Variants in HGSNAT observed in about 807,000 individuals in gnomAD.
HGSNAT encodes transmembrane protein 76.
In HGSNAT, 59 loss-of-function variants were observed where a neutral mutation model predicts 85.2. The observed-to-expected ratio is 0.69, with a 90% CI of 0.56 to 0.86. The LOEUF (loss-of-function observed/expected upper bound fraction) is 0.86, where lower values mean the gene tolerates loss of function less well. Ranked by LOEUF, HGSNAT falls within the 40% of genes least tolerant of loss-of-function variation. HGSNAT has a pLI of 0.00. For missense variants in HGSNAT, 756 were observed against 777.1 expected, an observed-to-expected ratio of 0.97 and a Z score of 0.32; for synonymous variants, 321 against 304.5, an observed-to-expected ratio of 1.05 and a Z score of -0.56.
chr8:43,146,419 G>T (rs187791252), intron 1 of HGSNAT, among the ~76,000 whole-genome samples: 1 of 152,286 alleles, frequency 6.6e-6, no homozygotes, highest in East Asian at 1.9e-4. Context: ...GCTCAGTAAC[G>T]TGGTAGGGGA....
At chr8:43,161,969 C>G (rs545584674) in intron 5 of HGSNAT, among the ~76,000 whole-genome samples, 18 of 152,218 alleles carry the variant, frequency 1.2e-4, no homozygotes, top group Non-Finnish European at 2.5e-4. Flanking sequence ...TCTTCTGGAC[C>G]TCGCACGGAC....
At position 43,200,426 on chromosome 8, in the gene HGSNAT, C is replaced by G. The variant is rs143991538; in HGVS notation, c.*857C>G. 1 of 152,216 alleles carries G rather than the reference C, an allele frequency of 6.6e-6. No homozygotes were observed. Among genetic ancestry groups the G allele is most frequent in the Non-Finnish European group, 1.5e-5 (1 of 68,040 alleles). 9.4% of individuals were successfully genotyped at this position (152,216 alleles called of 1,614,324 possible). A position where few individuals can be genotyped will look rare whatever the true frequency, so the allele number is the denominator to read the frequency against. ...TTGTGAAATGAGCGGGAAGATGACT[C>G]TCAGTTCCTTCCACCTCTTAGACAT... On this transcript the variant is annotated 3_prime_UTR_variant, in exon 18 of 18. Coordinates refer to ENST00000379644, the MANE Select transcript of HGSNAT (RefSeq NM_152419.3).
chr8:43,140,686 A>C (rs1802490586), intron 1 of HGSNAT, 72 bp downstream of exon 1: 32 of 694,328 alleles, frequency 4.6e-5, no homozygotes, highest in East Asian at 5.9e-5. Context: ...CGCCGCCCCT[A>C]TCTCCGTGCG....
At chr8:43,184,909 C>A (rs971774177) in intron 11 of HGSNAT, among the ~76,000 whole-genome samples, 2 of 152,134 alleles carry the variant, frequency 1.3e-5, no homozygotes, top group Non-Finnish European at 2.9e-5. Context: ...TTCCCCATTT[C>A]TTGTTTTTGT....
Position 43,199,537 on chromosome 8 carries a change from C to T in HGSNAT, c.1876C>T (p.Leu626Phe). 1 of 1,575,026 alleles carries T rather than the reference C, an allele frequency of 6.3e-7. No homozygotes were observed. ...TALWVLIAYILYRKKIFWKI is the reference protein window; with the variant it reads ...TALWVLIAYIFYRKKIFWKI Reference sequence around the variant, plus strand: ...CCTCTGGGTGCTCATTGCCTACATCCTCTATAGAAAGAAGATTTTTTGGAA... The same window carrying T: ...CCTCTGGGTGCTCATTGCCTACATCTTCTATAGAAAGAAGATTTTTTGGAA... Residue 626 changes from leucine (L) to phenylalanine (F), a missense_variant, in exon 18 of 18, where the codon CTC (leucine) becomes TTC (phenylalanine). Leu to Phe is a conservative substitution (Grantham distance 22). Transcript: ENST00000379644.
At chr8:43,196,649 T>G in intron 14 of HGSNAT, 1 of 749,890 alleles carries the variant, frequency 1.3e-6, no homozygotes, top group Non-Finnish European at 2.1e-6. Flanking sequence ...TGCTGCCCCA[T>G]TCTGCTCAGG....
At chr8:43,140,660 C>A in intron 1 of HGSNAT, 46 bp downstream of exon 1, 1 of 992,974 alleles carries the variant, frequency 1.0e-6, no homozygotes, top group Non-Finnish European at 1.3e-6. Context: ...ACGAGCGCAG[C>A]GTCTCCTCTC....
intron 9 of HGSNAT, among the ~76,000 whole-genome samples, chr8:43,176,376 C>G (rs1803812603): frequency 6.6e-6 from 1 of 152,098 alleles, no homozygotes; most frequent in South Asian, 2.1e-4. Context: ...GGATTTAGCT[C>G]TGAGTTCTTT....
At position 43,187,636 on chromosome 8, in the gene HGSNAT, A is replaced by G. The variant is rs538752502; in HGVS notation, c.1129-3838A>G. On this transcript the variant is annotated intron_variant, in intron 11 of 17. Coordinates refer to ENST00000379644, the MANE Select transcript of HGSNAT (RefSeq NM_152419.3). ...GTCTTTTAATTGGAGCATTTAGCCC[A>G]TTTATATTTAAGGTTAATATCGTTA... is the stretch of plus-strand genomic sequence containing the variant. Among the ~76,000 whole-genome samples the G allele has an allele frequency of 4.9e-3, 740 of 151,736 alleles. 1 individual carries two copies. Among genetic ancestry groups the G allele is most frequent in the Non-Finnish European group, 7.8e-3 (532 of 67,944 alleles).
At chr8:43,163,651 A>C (rs1803341001) in intron 5 of HGSNAT, among the ~76,000 whole-genome samples, 1 of 151,750 alleles carries the variant, frequency 6.6e-6, no homozygotes, top group Admixed American at 6.6e-5. Flanking sequence ...TCAGCCTCCC[A>C]AATAGCTGGG....
At chr8:43,150,935 T>G (rs1802896418) in intron 2 of HGSNAT, among the ~76,000 whole-genome samples, 1 of 151,814 alleles carries the variant, frequency 6.6e-6, no homozygotes, top group African/African-American at 2.4e-5. Flanking sequence ...TATTAAAAAC[T>G]AAAATATTGC....
intron 5 of HGSNAT, among the ~76,000 whole-genome samples, chr8:43,165,469 T>G (rs1341464177): frequency 6.6e-6 from 1 of 152,098 alleles, no homozygotes; most frequent in Non-Finnish European, 1.5e-5. Flanking sequence ...AAAGAAAGAG[T>G]TGCATGTCTC....
In HGSNAT at chr8:43,178,077, T is replaced by G; in HGVS notation, c.855T>G (p.Phe285Leu). The G allele has an allele frequency of 6.2e-7, 1 of 1,613,212 alleles. No homozygotes were observed. The highest frequency in any genetic ancestry group is 2.2e-5 in the East Asian group (1 of 44,856). ...TTAATAACTAGATTCTTTTTAGGTT[T>G]GTATTTATTATGGGATCTTCCATTT... ...LTVADLVFPWFVFIMGSSIFL... is the reference protein window; with the variant it reads ...LTVADLVFPWLVFIMGSSIFL... The change falls in exon 10 of 18, where the codon TTT becomes TTG. Residue 285 changes from phenylalanine to leucine, a missense_variant. Phe to Leu is a conservative substitution (Grantham distance 22). Transcript: ENST00000379644.
chr8:43,155,625 T>G (rs1803066363), intron 2 of HGSNAT, among the ~76,000 whole-genome samples: 1 of 152,198 alleles, frequency 6.6e-6, no homozygotes, highest in African/African-American at 2.4e-5. Context: ...CTAGATTTGC[T>G]TCTGTTACCT....
chr8:43,153,836 A>G (rs1802999147), intron 2 of HGSNAT, among the ~76,000 whole-genome samples: 2 of 152,164 alleles, frequency 1.3e-5, no homozygotes, highest in Non-Finnish European at 2.9e-5. Flanking sequence ...ACTTAACATA[A>G]TGTCCATTAG....
chr8:43,155,846 T>A (rs1236602304), intron 2 of HGSNAT, among the ~76,000 whole-genome samples: 1 of 152,136 alleles, frequency 6.6e-6, no homozygotes, highest in Non-Finnish European at 1.5e-5. Flanking sequence ...TGTCCTTTTT[T>A]TTTTCTTTTT....
intron 2 of HGSNAT, among the ~76,000 whole-genome samples, chr8:43,150,653 G>C (rs1484736300): frequency 6.6e-6 from 1 of 152,072 alleles, no homozygotes; most frequent in African/African-American, 2.4e-5. Context: ...CCAACACGGT[G>C]AAACCCTGTC....
At chr8:43,145,700 G>A (rs1802690798) in intron 1 of HGSNAT, among the ~76,000 whole-genome samples, 1 of 151,842 alleles carries the variant, frequency 6.6e-6, no homozygotes, top group African/African-American at 2.4e-5. Context: ...GCAGTGAGCC[G>A]AGATCGCGCC....
chr8:43,191,547 G>A lies in HGSNAT; in HGVS notation c.1202G>A (p.Gly401Asp). Residue 401 changes from glycine to aspartate, a missense_variant, in exon 12 of 18, where the codon GGC becomes GAC. By Grantham distance (94) the Gly-to-Asp change is moderately conservative (BLOSUM62 -1). Transcript: ENST00000379644. ...PQWLLILVLE[G>D]LWLGLTFLLP... ...TGGCTGCTCATCCTGGTGCTGGAAG[G>A]CCTGTGGCTGGGCTTGACATTCCTC... 2 of 1,614,026 alleles carry A rather than the reference G, an allele frequency of 1.2e-6. No individual in the cohort carries two copies. Among genetic ancestry groups the A allele is most frequent in the South Asian group, 1.1e-5 (1 of 91,090 alleles).
Sources: allele counts gnomAD v4.1 joint callset (sites outside exome capture counted in the v4.1 genomes callset), GRCh38; gene constraint gnomAD v4.1.1; transcripts MANE v1.5; gene names NCBI Gene and HGNC (gene_info 2026-07-23, HGNC 2026-07-21).